GYS2: variants seen among roughly 807,000 people sequenced by gnomAD.
GYS2 encodes the protein glycogen synthase 2.
A neutral mutation model predicts 85.6 loss-of-function variants in GYS2; 80 were observed. The observed-to-expected ratio is 0.93, with a 90% CI of 0.78 to 1.13. GYS2 has a LOEUF of 1.13. Ranked by LOEUF, GYS2 falls within the 50% of genes most tolerant of loss-of-function variation. GYS2 has a pLI of 0.00. For missense variants in GYS2, 881 were observed against 854.9 expected, an observed-to-expected ratio of 1.03 and a Z score of -0.38; for synonymous variants, 328 against 300.7, an observed-to-expected ratio of 1.09 and a Z score of -0.94.
intron 1 of GYS2, among the ~76,000 whole-genome samples, chr12:21,597,320 C>T (rs111308716): frequency 8.6e-5 from 13 of 151,934 alleles, no homozygotes; most frequent in Non-Finnish European, 1.9e-4. Flanking sequence ...AGGAATTAAT[C>T]TCCAGAATAT....
rs1333348986 is a variant in GYS2 at position 21,536,962 on chromosome 12, T to C, written c.2104A>G (p.Lys702Glu). ...TGCAGCACATGTAGAATTCAGTTCTTATATTCACCATGCAGCTTTTTCTTC... is the reference window on the plus strand; with the variant it reads ...TGCAGCACATGTAGAATTCAGTTCTCATATTCACCATGCAGCTTTTTCTTC... ...HGKKKLHGEY[K>E]N Residue 702 changes from lysine to glutamate, a missense_variant, in exon 16 of 16, where the codon AAG becomes GAG. Transcript: ENST00000261195. 1 of 1,609,196 alleles carries C rather than the reference T, an allele frequency of 6.2e-7. No individual in the cohort carries two copies. The highest frequency in any genetic ancestry group is 1.7e-5 in the Admixed American group (1 of 60,006).
intron 4 of GYS2, among the ~76,000 whole-genome samples, chr12:21,572,537 A>G (rs1455782453): frequency 6.6e-6 from 1 of 152,182 alleles, no homozygotes; most frequent in Non-Finnish European, 1.5e-5. Context: ...AATTTAACCC[A>G]AAAGCTAGTT....
intron 15 of GYS2, among the ~76,000 whole-genome samples, chr12:21,539,019 T>C (rs780239814): frequency 5.3e-5 from 8 of 152,216 alleles, no homozygotes; most frequent in Non-Finnish European, 1.2e-4. Context: ...CAGAACCATT[T>C]CAAGCATTAA....
At chr12:21,556,827 C>T (rs1185506385) in intron 11 of GYS2, among the ~76,000 whole-genome samples, 3 of 152,200 alleles carry the variant, frequency 2.0e-5, no homozygotes, top group African/African-American at 7.2e-5. Context: ...AACCGTCTCT[C>T]CCATGGTTTT....
In GYS2 at chr12:21,563,276, G is replaced by T. The variant is rs1269851237; in HGVS notation, c.893C>A (p.Ala298Asp). Residue 298 changes from alanine (A) to aspartate (D), a missense_variant, in exon 6 of 16, where the codon GCC becomes GAC. By Grantham distance (126) the Ala-to-Asp change is moderately radical. Coordinates refer to ENST00000261195, the MANE Select transcript of GYS2 (RefSeq NM_021957.4). ...SAVHEFQNLH[A>D]MYKARIQDFV... ...ATCTTGGATTCTGGCCTTGTACATG[G>T]CATGTAGATTTTGAAACTCATGCAC... The T allele has an allele frequency of 6.2e-7, 1 of 1,611,954 alleles. No homozygotes were observed. Among genetic ancestry groups the T allele is most frequent in the South Asian group, 1.1e-5 (1 of 91,036 alleles).
At chr12:21,565,642 T>A (rs1019457717) in intron 5 of GYS2, among the ~76,000 whole-genome samples, 3 of 151,030 alleles carry the variant, frequency 2.0e-5, no homozygotes, top group Non-Finnish European at 4.4e-5. Context: ...ATACATGTAT[T>A]ATTACATAAT....
At chr12:21,568,745 A>G in intron 5 of GYS2, 120 bp downstream of exon 5, 1 of 831,870 alleles carries the variant, frequency 1.2e-6, no homozygotes, top group African/African-American at 1.7e-5. Flanking sequence ...ACATAAAAAG[A>G]GCTGCGTGGT....
chr12:21,576,089 T>C (rs771750420), intron 2 of GYS2, 32 bp from the exon 3 acceptor site: 1 of 1,548,348 alleles, frequency 6.5e-7, no homozygotes, highest in East Asian at 2.2e-5. Context: ...CATGTAGTGA[T>C]ATTAAGTCAT....
intron 11 of GYS2, among the ~76,000 whole-genome samples, chr12:21,550,340 CA>C (rs776992509): frequency 0.014 from 2,185 of 151,670 alleles, 22 homozygotes; most frequent in Non-Finnish European, 0.019. Context: ...CACACACACA[CA>C]CACACACACA....
intron 1 of GYS2, among the ~76,000 whole-genome samples, chr12:21,593,960 A>G (rs1027543684): frequency 2.6e-5 from 4 of 152,228 alleles, no homozygotes; most frequent in Non-Finnish European, 4.4e-5. Context: ...AGTTCAAATC[A>G]ATAAATGTGA....
intron 6 of GYS2, 61 bp downstream of exon 6, chr12:21,563,167 T>G: frequency 8.3e-7 from 1 of 1,197,936 alleles, no homozygotes; most frequent in Non-Finnish European, 1.3e-6. Context: ...TTCTGTTTTC[T>G]CTCTACCAAA....
At position 21,604,629 on chromosome 12, in the gene GYS2, G is replaced by A. The variant is rs754990236; in HGVS notation, c.-37C>T. On this transcript the variant is annotated 5_prime_UTR_variant, in exon 1 of 16. Coordinates refer to ENST00000261195, the MANE Select transcript of GYS2 (RefSeq NM_021957.4). ...TCCTCCGAGACTCCTTTGAATTCCTGTTTCAATTAGTTGTAATCCCAGGAG... is the reference window on the plus strand; with the variant it reads ...TCCTCCGAGACTCCTTTGAATTCCTATTTCAATTAGTTGTAATCCCAGGAG... 3 of 1,610,596 alleles carry A rather than the reference G, an allele frequency of 1.9e-6. No individual in the cohort carries two copies. In the East Asian group the frequency reaches 6.7e-5, roughly 36 times the overall value.
chr12:21,576,315 T>C (rs1182573082), intron 2 of GYS2, among the ~76,000 whole-genome samples: 1 of 152,210 alleles, frequency 6.6e-6, no homozygotes. Flanking sequence ...ATGTAATCTC[T>C]GTTCATCTGT....
At chr12:21,588,337 A>G (rs1243774537) in intron 1 of GYS2, among the ~76,000 whole-genome samples, 1 of 152,248 alleles carries the variant, frequency 6.6e-6, no homozygotes, top group Non-Finnish European at 1.5e-5. Context: ...CAATGGTCAC[A>G]AAGTAGAACT....
In GYS2 at chr12:21,542,571, T is replaced by C; in HGVS notation, c.1570A>G (p.Ile524Val). The C allele has an allele frequency of 5.0e-6, 8 of 1,612,576 alleles. No individual in the cohort carries two copies. Among genetic ancestry groups the C allele is most frequent in the Non-Finnish European group, 6.8e-6 (8 of 1,178,712 alleles). The change falls in exon 13 of 16, where the codon ATC (isoleucine) becomes GTC (valine). Residue 524 changes from isoleucine to valine, a missense_variant. Transcript: ENST00000261195. ...YTPAECTVMG[I>V]PSVTTNLSGF... ...GAGAGATTCGTGGTCACACTGGGGA[T>C]ACCCATCACAGTGCATTCAGCTGCC... is the stretch of plus-strand genomic sequence containing the variant.
chr12:21,576,334 A>T lies in GYS2; in HGVS notation c.304-277T>A, dbSNP rs75632395. Among the ~76,000 whole-genome samples the T allele has an allele frequency of 3.8e-3, 584 of 152,050 alleles. 4 individuals are homozygous for T. The highest frequency in any genetic ancestry group is 0.024 in the Middle Eastern group (7 of 294). ...AATCTCTGTTCATCTGTCTCTAGTT[A>T]CTCTCTTGTGACCATGAACTCACAG... On this transcript the variant is annotated intron_variant, in intron 2 of 15. Transcript: ENST00000261195.
intron 5 of GYS2, among the ~76,000 whole-genome samples, chr12:21,564,971 C>T (rs1944300395): frequency 6.6e-6 from 1 of 152,044 alleles, no homozygotes; most frequent in South Asian, 2.1e-4. Context: ...TGGTGTCATA[C>T]AACTGTACCA....
intron 11 of GYS2, 66 bp from the exon 12 acceptor site, chr12:21,546,536 C>T (rs1944042444): frequency 1.8e-6 from 2 of 1,104,296 alleles, no homozygotes; most frequent in African/African-American, 3.2e-5. Flanking sequence ...AAATCTCCTA[C>T]AATTTGGTTA....
rs558504290 is a variant in GYS2 at position 21,557,675 on chromosome 12, G to A, written c.1422+525C>T. Among the ~76,000 whole-genome samples the A allele has an allele frequency of 3.9e-5, 6 of 152,234 alleles. No homozygotes were observed. In the East Asian group the frequency reaches 7.8e-4, roughly 20 times the overall value. On this transcript the variant is annotated intron_variant, in intron 11 of 15. Transcript: ENST00000261195. ...AGCACTTTGGGAGGCCGAGGCAGGT[G>A]GATCACGAGGTCAGGAGATCGAGAC... is the stretch of plus-strand genomic sequence containing the variant.
Sources: gnomAD v4.1 joint callset for allele counts (sites outside exome capture counted in the v4.1 genomes callset) on GRCh38, gnomAD v4.1.1 for gene constraint, MANE v1.5 for transcripts, NCBI Gene and HGNC (gene_info 2026-07-23, HGNC 2026-07-21) for gene names.